TMPRSS11D: variants seen among roughly 807,000 people sequenced by gnomAD.
TMPRSS11D encodes the protein transmembrane protease serine 11D.
TMPRSS11D carries 32 observed loss-of-function variants against 44.4 expected under a neutral mutation model. The ratio of observed to expected loss-of-function variants is 0.72; its 90% confidence interval spans 0.54 to 0.97. The LOEUF (loss-of-function observed/expected upper bound fraction) is 0.97. Ranked by LOEUF, TMPRSS11D falls within the 50% of genes least tolerant of loss-of-function variation. The pLI is 0.00. For missense variants in TMPRSS11D, 446 were observed against 502.6 expected (o/e 0.89, Z 1.08); for synonymous variants, 179 against 177.9 (o/e 1.01, Z -0.05).
At chr4:67,873,888 A>C (rs1431001340) in intron 1 of TMPRSS11D, among the ~76,000 whole-genome samples, 1 of 152,110 alleles carries the variant, frequency 6.6e-6, no homozygotes, top group Non-Finnish European at 1.5e-5. Flanking sequence ...TTGCTATAGG[A>C]TTATTATGAA....
Position 67,856,504 on chromosome 4 carries a change from G to T in TMPRSS11D, c.131-2318C>A, listed in dbSNP as rs1356090925. On this transcript the variant is annotated intron_variant, in intron 2 of 9. Coordinates refer to ENST00000283916, the MANE Select transcript of TMPRSS11D (RefSeq NM_004262.3). ...CCCAAGATGTATTAAAGACTTAAAT[G>T]TAAGACTTAAAACTATGGGAACTAT... Among the ~76,000 whole-genome samples, 4 of 152,222 alleles carry T rather than the reference G, an allele frequency of 2.6e-5. No individual in the cohort carries two copies. In the East Asian group the frequency reaches 7.7e-4, roughly 29 times the overall value.
intron 1 of TMPRSS11D, among the ~76,000 whole-genome samples, chr4:67,869,493 G>T (rs1303567654): frequency 2.6e-5 from 4 of 152,000 alleles, no homozygotes; most frequent in Non-Finnish European, 5.9e-5. Context: ...AATTTAGGCA[G>T]CTATCAATTA....
chr4:67,843,046 C>T (rs1055858280), intron 3 of TMPRSS11D, among the ~76,000 whole-genome samples: 2 of 146,250 alleles, frequency 1.4e-5, no homozygotes, highest in Admixed American at 6.9e-5. Flanking sequence ...TTAAACCAGA[C>T]TAAAATGAGT....
chr4:67,861,674 C>T (rs568107416), intron 1 of TMPRSS11D, among the ~76,000 whole-genome samples: 1 of 152,094 alleles, frequency 6.6e-6, no homozygotes, highest in South Asian at 2.1e-4. Context: ...ACGGGAATAA[C>T]ATTACAGCCA....
At chr4:67,866,760 G>A (rs1050489664) in intron 1 of TMPRSS11D, among the ~76,000 whole-genome samples, 5 of 151,096 alleles carry the variant, frequency 3.3e-5, no homozygotes, top group African/African-American at 9.7e-5. Flanking sequence ...AAAATATATC[G>A]GAATATATTT....
At chr4:67,835,482 TA>T (rs1718057974) in intron 5 of TMPRSS11D, among the ~76,000 whole-genome samples, 1 of 152,112 alleles carries the variant, frequency 6.6e-6, no homozygotes, top group Non-Finnish European at 1.5e-5. Flanking sequence ...ATAAATACTA[TA>T]GGGGAAGTTA....
intron 1 of TMPRSS11D, among the ~76,000 whole-genome samples, chr4:67,863,173 G>A (rs1159643025): frequency 6.6e-6 from 1 of 151,242 alleles, no homozygotes; most frequent in East Asian, 1.9e-4. Flanking sequence ...ACTACACTGT[G>A]TCTTTAATTA....
At chr4:67,833,073 G>T in intron 7 of TMPRSS11D, 131 bp downstream of exon 7, 4 of 883,376 alleles carry the variant, frequency 4.5e-6, no homozygotes, top group Non-Finnish European at 4.6e-6. Context: ...TTCATGAATA[G>T]GAAGAAAATT....
At chr4:67,866,609 C>G (rs1024103034) in intron 1 of TMPRSS11D, among the ~76,000 whole-genome samples, 1 of 151,846 alleles carries the variant, frequency 6.6e-6, no homozygotes, top group Non-Finnish European at 1.5e-5. Context: ...CCAAAAGACT[C>G]CTAGATTTGA....
chr4:67,875,266 A>G (rs903519383), intron 1 of TMPRSS11D, among the ~76,000 whole-genome samples: 2 of 152,220 alleles, frequency 1.3e-5, no homozygotes, highest in Non-Finnish European at 2.9e-5. Flanking sequence ...GCATACTGGC[A>G]GGGTGAAAGG....
intron 1 of TMPRSS11D, among the ~76,000 whole-genome samples, chr4:67,881,340 T>A (rs928398917): frequency 6.6e-6 from 1 of 152,108 alleles, no homozygotes. Flanking sequence ...ATGGGATAAT[T>A]TGCTAGAAAA....
intron 3 of TMPRSS11D, among the ~76,000 whole-genome samples, chr4:67,844,148 C>G (rs1192260254): frequency 3.9e-5 from 6 of 152,060 alleles, no homozygotes; most frequent in Non-Finnish European, 4.4e-5. Flanking sequence ...GAGGTGGCAC[C>G]TAGGTGGATG....
chr4:67,873,961 C>T (rs1218660767), intron 1 of TMPRSS11D, among the ~76,000 whole-genome samples: 3 of 152,162 alleles, frequency 2.0e-5, no homozygotes, highest in African/African-American at 7.2e-5. Context: ...GAACTACAGT[C>T]ATGAAACATA....
At chr4:67,844,079 G>T (rs1328117043) in intron 3 of TMPRSS11D, among the ~76,000 whole-genome samples, 1 of 152,202 alleles carries the variant, frequency 6.6e-6, no homozygotes, top group Admixed American at 6.5e-5. Flanking sequence ...CTCCTGAGAT[G>T]CAGGGTCAGA....
intron 1 of TMPRSS11D, among the ~76,000 whole-genome samples, chr4:67,863,850 A>T (rs1473175009): frequency 6.6e-6 from 1 of 152,098 alleles, no homozygotes; most frequent in Non-Finnish European, 1.5e-5. Flanking sequence ...TATAGAGGCA[A>T]CTGAAGTATA....
intron 1 of TMPRSS11D, among the ~76,000 whole-genome samples, chr4:67,869,889 T>A (rs1003936464): frequency 6.6e-6 from 1 of 152,210 alleles, no homozygotes; most frequent in Non-Finnish European, 1.5e-5. Flanking sequence ...CCCCATTAGT[T>A]CACAGATATA....
At chr4:67,824,133 CTG>C (rs1311251552) in intron 9 of TMPRSS11D, among the ~76,000 whole-genome samples, 5 of 72,706 alleles carry the variant, frequency 6.9e-5, no homozygotes, top group African/African-American at 2.9e-4. Context: ...ATGTAAAGTG[CTG>C]TGTTTTTTTT....
At chr4:67,842,174 A>G (rs976523011) in intron 4 of TMPRSS11D, among the ~76,000 whole-genome samples, 1 of 152,154 alleles carries the variant, frequency 6.6e-6, no homozygotes. Context: ...TGTTGGTCAT[A>G]GTGTCTTGAT....
chr4:67,840,534 T>C (rs1272906863), intron 4 of TMPRSS11D, among the ~76,000 whole-genome samples: 2 of 152,042 alleles, frequency 1.3e-5, no homozygotes, highest in Admixed American at 6.6e-5. Flanking sequence ...ACAAATGACG[T>C]AAAAGAGGGA....
Sources: gnomAD v4.1 joint callset for allele counts (sites outside exome capture counted in the v4.1 genomes callset) on GRCh38, gnomAD v4.1.1 for gene constraint, MANE v1.5 for transcripts, NCBI Gene and HGNC (gene_info 2026-07-23, HGNC 2026-07-21) for gene names.